The following VRK2 variants were observed in gnomAD, a reference collection of about 807,000 sequenced individuals.
VRK2 encodes VRK serine/threonine kinase 2, also known as serine/threonine-protein kinase VRK2.
VRK2 carries 60 observed loss-of-function variants against 57.6 expected under a neutral mutation model. The ratio of observed to expected loss-of-function variants is 1.04; its 90% CI spans 0.85 to 1.29. The LOEUF (loss-of-function observed/expected upper bound fraction) is 1.29. Among genes scored for constraint, VRK2 ranks in the 50% most tolerant of loss-of-function variants. The pLI is 0.00. For synonymous variants in VRK2, 231 were observed against 199.2 expected (o/e 1.16, Z -1.35); for missense variants, 705 against 588.1 (o/e 1.20, Z -2.06).
rs192184390 is a variant in VRK2, at chr2:58,105,923, C to A, written c.543+16200C>A. 1.5e-3 allele frequency among the ~76,000 whole-genome samples: 226 copies of A among 151,966 alleles called. 2 individuals carry two copies. The highest frequency in any genetic ancestry group is 5.3e-3 in the African/African-American group (220 of 41,506). Reference sequence around the variant, plus strand: ...GTATGTTGAACCTTTTTATAATATACCAATGACAGTCAAATTATATCAGCT... The same window carrying A: ...GTATGTTGAACCTTTTTATAATATAACAATGACAGTCAAATTATATCAGCT... On this transcript the variant is annotated intron_variant, in intron 7 of 12. Transcript: ENST00000340157.
At chr2:57,932,556 C>T (rs923352309) in intron 1 of VRK2, among the ~76,000 whole-genome samples, 3 of 152,150 alleles carry the variant, frequency 2.0e-5, no homozygotes, top group Non-Finnish European at 2.9e-5. Flanking sequence ...TCTTTCATTT[C>T]TGACTTTATA....
intron 5 of VRK2, among the ~76,000 whole-genome samples, chr2:58,087,128 A>G (rs1015796087): frequency 4.6e-5 from 7 of 152,198 alleles, no homozygotes; most frequent in Admixed American, 2.6e-4. Flanking sequence ...GTGTCATTTT[A>G]TATTTACCCT....
rs1281961574 is a variant in VRK2 at position 58,137,189 on chromosome 2, G to C, written c.856+1990G>C. ...ATCATATATCATATATATCATATAT[G>C]ATACATATATATCTCATATATGATA... On this transcript the variant is annotated intron_variant, in intron 10 of 12. Transcript: ENST00000340157. Among the ~76,000 whole-genome samples, 9 of 51,802 alleles carry C rather than the reference G, an allele frequency of 1.7e-4. No homozygotes were observed. The African/African-American group carries it at 2.4e-3, about 14-fold the overall frequency. 34.0% of individuals were successfully genotyped at this position (51,802 alleles called of 152,430 possible). A position where few individuals can be genotyped will look rare whatever the true frequency, so the allele number is the denominator to read the frequency against.
chr2:58,108,384 A>G (rs1675064862), intron 7 of VRK2, among the ~76,000 whole-genome samples: 1 of 152,162 alleles, frequency 6.6e-6, no homozygotes, highest in Non-Finnish European at 1.5e-5. Flanking sequence ...TGATGCTGCC[A>G]GTGCTGATAT....
intron 12 of VRK2, among the ~76,000 whole-genome samples, chr2:58,157,060 T>C (rs1002038543): frequency 5.9e-5 from 9 of 152,234 alleles, no homozygotes; most frequent in Non-Finnish European, 1.2e-4. Context: ...TTTTTTGGCC[T>C]AGTCTGCAGT....
chr2:57,999,729 A>G (rs543679891), intron 1 of VRK2, among the ~76,000 whole-genome samples: 3 of 152,324 alleles, frequency 2.0e-5, no homozygotes, highest in Admixed American at 6.5e-5. Flanking sequence ...AGTTAGTGTA[A>G]GTTTATTAGT....
intron 10 of VRK2, 127 bp from the exon 11 acceptor site, chr2:58,139,539 T>C: frequency 1.3e-6 from 1 of 765,890 alleles, no homozygotes; most frequent in Non-Finnish European, 2.1e-6. Context: ...ATTGAATTGT[T>C]CATTTTTAGT....
At chr2:58,005,094 T>A (rs1409246954) in intron 1 of VRK2, among the ~76,000 whole-genome samples, 1 of 152,186 alleles carries the variant, frequency 6.6e-6, no homozygotes, top group African/African-American at 2.4e-5. Context: ...ATTTTAATTA[T>A]CATCTAGAAA....
At chr2:57,976,370 C>T (rs1487918186) in intron 1 of VRK2, among the ~76,000 whole-genome samples, 3 of 152,120 alleles carry the variant, frequency 2.0e-5, no homozygotes, top group African/African-American at 7.2e-5. Flanking sequence ...ATTTACATTC[C>T]CACCAGCAGA....
At chr2:57,928,350 T>C (rs1446959124) in intron 1 of VRK2, among the ~76,000 whole-genome samples, 3 of 152,112 alleles carry the variant, frequency 2.0e-5, no homozygotes, top group African/African-American at 7.2e-5. Context: ...ACTATGTCCA[T>C]TGCATTTTCA....
Position 58,095,312 on chromosome 2 carries a change from AT to A in VRK2, c.543+5590del, listed in dbSNP as rs924410767. Among the ~76,000 whole-genome samples the A allele has an allele frequency of 7.9e-5, 12 of 151,726 alleles. No homozygotes were observed. The South Asian group carries it at 1.5e-3, about 18-fold the overall frequency. ...CCGTCTCAAAAAAAAAAAAAAAAAAATACTTGTTGGCATTTTCATTGAAATT... is the reference window on the plus strand; with the variant it reads ...CCGTCTCAAAAAAAAAAAAAAAAAAAACTTGTTGGCATTTTCATTGAAATT... On this transcript the variant is annotated intron_variant, in intron 7 of 12. Coordinates refer to ENST00000340157, the MANE Select transcript of VRK2 (RefSeq NM_006296.7).
chr2:57,976,042 T>C (rs1014777818), intron 1 of VRK2, among the ~76,000 whole-genome samples: 8 of 152,082 alleles, frequency 5.3e-5, no homozygotes, highest in Non-Finnish European at 1.0e-4. Flanking sequence ...CTGTGATAAG[T>C]CACTTAGGAT....
intron 4 of VRK2, among the ~76,000 whole-genome samples, chr2:58,085,929 T>G (rs954709503): frequency 7.1e-6 from 1 of 140,438 alleles, no homozygotes; most frequent in African/African-American, 3.0e-5. Flanking sequence ...GCTTTTTTTT[T>G]CTTTTTTTTT....
intron 1 of VRK2, among the ~76,000 whole-genome samples, chr2:58,019,020 T>TTTATA (rs1321742129): frequency 6.6e-6 from 1 of 152,218 alleles, no homozygotes; most frequent in Non-Finnish European, 1.5e-5. Context: ...TACAGAACTT[T>TTTATA]TTATACAATA....
intron 11 of VRK2, among the ~76,000 whole-genome samples, chr2:58,142,164 G>T (rs1681445374): frequency 1.3e-5 from 2 of 151,750 alleles, no homozygotes; most frequent in African/African-American, 4.8e-5. Context: ...AGTTGTAACT[G>T]TTTACATTTT....
chr2:57,938,372 A>C (rs1670984791), intron 1 of VRK2, among the ~76,000 whole-genome samples: 1 of 152,208 alleles, frequency 6.6e-6, no homozygotes, highest in East Asian at 1.9e-4. Flanking sequence ...GGAAATCTTC[A>C]AGGAACTTAT....
chr2:58,049,323 A>C (rs959288601), intron 2 of VRK2, among the ~76,000 whole-genome samples: 1 of 152,178 alleles, frequency 6.6e-6, no homozygotes, highest in African/African-American at 2.4e-5. Context: ...TCTGTTTGTG[A>C]ATCTTAATCA....
intron 10 of VRK2, among the ~76,000 whole-genome samples, chr2:58,138,458 T>C (rs996651482): frequency 1.3e-5 from 2 of 152,208 alleles, no homozygotes; most frequent in African/African-American, 4.8e-5. Context: ...AGAGTTTACA[T>C]TTTAACCACG....
chr2:58,113,338 G>T (rs548992428), intron 7 of VRK2, among the ~76,000 whole-genome samples: 1 of 150,948 alleles, frequency 6.6e-6, no homozygotes, highest in East Asian at 1.9e-4. Context: ...AAAGACAGTT[G>T]CGTTTCTTCT....
Sources: gnomAD v4.1 joint callset for allele counts (sites outside exome capture counted in the v4.1 genomes callset) on GRCh38, gnomAD v4.1.1 for gene constraint, MANE v1.5 for transcripts, NCBI Gene and HGNC (gene_info 2026-07-23, HGNC 2026-07-21) for gene names.